CCDC7: variants seen among roughly 807,000 people sequenced by gnomAD.
CCDC7 encodes the protein coiled-coil domain-containing protein 7.
CCDC7 carries 183 observed loss-of-function variants against 196.9 expected under a neutral mutation model. The observed-to-expected ratio is 0.93, with a 90% CI of 0.82 to 1.05. CCDC7 has a LOEUF of 1.05. CCDC7 is among the 50% of genes least tolerant of loss of function. The probability of loss-of-function intolerance (pLI) is 0.00; values close to 1 mark genes in which losing one functional copy is unlikely to be tolerated. For missense variants in CCDC7, 1,540 were observed against 1,482.2 expected, an observed-to-expected ratio of 1.04 and a Z score of -0.64; for synonymous variants, 525 against 484.6, an observed-to-expected ratio of 1.08 and a Z score of -1.10.
chr10:32,814,279 C>CTTAAATGTT (rs2087867699), intron 30 of CCDC7, 91 bp from the exon 32 acceptor site: 1 of 874,734 alleles, frequency 1.1e-6, no homozygotes, highest in Non-Finnish European at 1.8e-6. Flanking sequence ...AAGTTAGTAA[C>CTTAAATGTT]ACACACACAT....
rs138508638 is a variant in CCDC7, at chr10:32,867,841, A to G, written c.4112-8506A>G. Among the ~76,000 whole-genome samples the G allele has an allele frequency of 3.4e-4, 51 of 151,984 alleles. 1 individual carries two copies. The East Asian group carries it at 8.4e-3, about 25-fold the overall frequency. ...TCGCATTAAATACATTCACACTGCT[A>G]TGCAACTATCACTACCATCTACCTC... On this transcript the variant is annotated intron_variant, in intron 41 of 41. Coordinates refer to ENST00000639629, the Ensembl canonical transcript of CCDC7.
intron 18 of CCDC7, among the ~76,000 whole-genome samples, chr10:32,606,072 G>T (rs2061528826): frequency 6.6e-6 from 1 of 152,200 alleles, no homozygotes; most frequent in South Asian, 2.1e-4. Context: ...GCAGCCTTTG[G>T]ACACTTCTCT....
intron 28 of CCDC7, among the ~76,000 whole-genome samples, chr10:32,769,544 C>A (rs763720947): frequency 6.6e-6 from 1 of 152,028 alleles, no homozygotes; most frequent in Non-Finnish European, 1.5e-5. Context: ...AGTTTTGTTA[C>A]GTAGGTATAC....
upstream of CCDC7, among the ~76,000 whole-genome samples, chr10:32,444,146 G>A (rs2030475821): frequency 6.6e-6 from 1 of 151,944 alleles, no homozygotes; most frequent in Admixed American, 6.5e-5. Flanking sequence ...CATAGTGAGA[G>A]CAAATATCCT....
At chr10:32,873,299 T>C (rs764221937) in intron 41 of CCDC7, among the ~76,000 whole-genome samples, 6 of 152,114 alleles carry the variant, frequency 3.9e-5, no homozygotes, top group Non-Finnish European at 8.8e-5. Flanking sequence ...CTTCCATCAT[T>C]GATACCCTTT....
chr10:32,676,163 G>A (rs1289390708), intron 21 of CCDC7, among the ~76,000 whole-genome samples: 2 of 91,058 alleles, frequency 2.2e-5, no homozygotes, highest in Non-Finnish European at 4.9e-5. Context: ...AAATGGTGCT[G>A]GGAAAACTGG....
At chr10:32,712,823 T>C (rs11594510) in intron 25 of CCDC7, among the ~76,000 whole-genome samples, 12,615 of 152,272 alleles carry the variant, frequency 0.083, 568 homozygotes, top group East Asian at 0.16. Context: ...GTAGCACTTA[T>C]GCTTTTTAGA....
chr10:32,654,576 T>G (rs2069412731), intron 20 of CCDC7, among the ~76,000 whole-genome samples: 1 of 152,196 alleles, frequency 6.6e-6, no homozygotes, highest in African/African-American at 2.4e-5. Context: ...GTTAGCTTAG[T>G]GATCAGCTAA....
chr10:32,871,220 C>T (rs190523552), intron 41 of CCDC7, among the ~76,000 whole-genome samples: 1 of 152,184 alleles, frequency 6.6e-6, no homozygotes, highest in East Asian at 1.9e-4. Context: ...GCTGTGAATC[C>T]ATCGGGTCCT....
Position 32,637,934 on chromosome 10 carries a change from G to A in CCDC7, c.2014+2776G>A, listed in dbSNP as rs187619349. ...GCAGTGGTTTGTAGTTCTCCTTGAA[G>A]AGGTCCTTCACATCCCTTGTAAGTT... is the stretch of plus-strand genomic sequence containing the variant. On this transcript the variant is annotated intron_variant, in intron 20 of 41. Coordinates refer to ENST00000639629, the Ensembl canonical transcript of CCDC7. 7.2e-3 allele frequency among the ~76,000 whole-genome samples: 1,091 copies of A among 152,254 alleles called. 15 individuals are homozygous for A. Among genetic ancestry groups the A allele is most frequent in the Admixed American group, 0.022 (338 of 15,296 alleles).
intron 28 of CCDC7, among the ~76,000 whole-genome samples, chr10:32,778,455 A>C (rs779391038): frequency 1.3e-5 from 2 of 151,794 alleles, no homozygotes; most frequent in Admixed American, 1.3e-4. Flanking sequence ...CCTATTGCTT[A>C]TTTTTTCTGG....
chr10:32,785,072 A>T (rs1162175442), intron 29 of CCDC7, among the ~76,000 whole-genome samples: 1 of 152,216 alleles, frequency 6.6e-6, no homozygotes, highest in Non-Finnish European at 1.5e-5. Context: ...TTATGGATCT[A>T]CAAAAATTGA....
At chr10:32,746,569 C>T (rs575072333) in intron 28 of CCDC7, among the ~76,000 whole-genome samples, 2 of 152,224 alleles carry the variant, frequency 1.3e-5, no homozygotes, top group East Asian at 1.9e-4. Flanking sequence ...TCAGTGACAT[C>T]GGGCCAATCT....
At chr10:32,575,768 T>C (rs1005591734) in intron 16 of CCDC7, among the ~76,000 whole-genome samples, 1 of 152,122 alleles carries the variant, frequency 6.6e-6, no homozygotes, top group African/African-American at 2.4e-5. Context: ...TAAATAAAGA[T>C]TTGCCTCACT....
intron 41 of CCDC7, among the ~76,000 whole-genome samples, chr10:32,870,568 C>G (rs1254834161): frequency 6.6e-6 from 1 of 152,098 alleles, no homozygotes; most frequent in East Asian, 1.9e-4. Context: ...TTCCTCTTTT[C>G]CTAATTGAAT....
chr10:32,860,311 G>C (rs535832553), intron 41 of CCDC7, among the ~76,000 whole-genome samples: 12 of 151,948 alleles, frequency 7.9e-5, no homozygotes, highest in Non-Finnish European at 8.8e-5. Flanking sequence ...AATGACAAAA[G>C]CCACATGATT....
At chr10:32,772,281 A>T (rs1246545517) in intron 28 of CCDC7, among the ~76,000 whole-genome samples, 1 of 152,154 alleles carries the variant, frequency 6.6e-6, no homozygotes, top group Non-Finnish European at 1.5e-5. Context: ...GGTAAGCCCC[A>T]CATAGTTCCC....
At chr10:32,635,027 G>A in intron 19 of CCDC7, 30 bp from the exon 21 acceptor site, 1 of 396,506 alleles carries the variant, frequency 2.5e-6, no homozygotes, top group East Asian at 3.6e-5. Flanking sequence ...ATATACAGAA[G>A]TTTTATCATA....
intron 28 of CCDC7, among the ~76,000 whole-genome samples, chr10:32,754,907 A>G (rs2133596253): frequency 6.6e-6 from 1 of 152,116 alleles, no homozygotes; most frequent in Admixed American, 6.5e-5. Context: ...GAAAATTGGG[A>G]CACTCCCACC....
Sources: gnomAD v4.1 joint callset for allele counts (sites outside exome capture counted in the v4.1 genomes callset) on GRCh38, gnomAD v4.1.1 for gene constraint, MANE v1.5 for transcripts, NCBI Gene and HGNC (gene_info 2026-07-23, HGNC 2026-07-21) for gene names.